APLP2: variants seen among roughly 807,000 people sequenced by gnomAD.
APLP2 encodes CDEI box-binding protein.
A neutral mutation model predicts 89.9 loss-of-function variants in APLP2; 53 were observed. That is an observed-to-expected ratio of 0.59 (90% confidence interval 0.47 to 0.74). The LOEUF is 0.74. APLP2 is among the 30% of genes least tolerant of loss of function. The pLI is 0.00. For missense variants in APLP2, 973 were observed against 975.9 expected, an observed-to-expected ratio of 1.00 and a Z score of 0.04; for synonymous variants, 372 against 348.6, an observed-to-expected ratio of 1.07 and a Z score of -0.75.
At chr11:130,086,342 T>A (rs1944119211) in intron 1 of APLP2, among the ~76,000 whole-genome samples, 1 of 152,276 alleles carries the variant, frequency 6.6e-6, no homozygotes, top group South Asian at 2.1e-4. Context: ...AAAATGTCCG[T>A]TGAAGTCTTT....
rs1182654877 is a variant in APLP2, at chr11:130,133,621, G to A, written c.1585-8G>A. 1 of 1,610,440 alleles carries A rather than the reference G, an allele frequency of 6.2e-7. No homozygotes were observed. Among genetic ancestry groups the A allele is most frequent in the East Asian group, 2.2e-5 (1 of 44,854 alleles). On this transcript the variant is annotated splice_region_variant and splice_polypyrimidine_tract_variant and intron_variant, in intron 11 of 16. Coordinates refer to ENST00000338167, the MANE Select transcript of APLP2 (RefSeq NM_001142276.2). The stretch of plus-strand genomic sequence containing the variant: ...CACAACACCTCTCCACCATAACTCT[G>A]CTTCCAGGTGATGACACATCTCCAC...
At chr11:130,129,923 ATTCT>A in intron 10 of APLP2, 111 bp from the exon 11 acceptor site, 1 of 1,234,846 alleles carries the variant, frequency 8.1e-7, no homozygotes, top group Non-Finnish European at 1.1e-6. Flanking sequence ...TACAGCTTTC[ATTCT>A]TGTGCCTAGC....
chr11:130,141,549 G>T lies in APLP2; in HGVS notation c.1975G>T (p.Val659Phe), dbSNP rs757770441. 1 of 1,614,040 alleles carries T rather than the reference G, an allele frequency of 6.2e-7. No individual in the cohort carries two copies. Among genetic ancestry groups the T allele is most frequent in the South Asian group, 1.1e-5 (1 of 91,084 alleles). ...GGAAATGATTTTCAATGCCGAGAGAGTTGGAGGCCTCGAGGAAGAGCGGGT... is the reference window on the plus strand; with the variant it reads ...GGAAATGATTTTCAATGCCGAGAGATTTGGAGGCCTCGAGGAAGAGCGGGT... The part of the protein sequence containing the change: ...VKEMIFNAER[V>F]GGLEEERESV... The change falls in exon 15 of 17, where the codon GTT becomes TTT. Residue 659 changes from valine (V) to phenylalanine (F), a missense_variant. Transcript: ENST00000338167. The surrounding 1 kb of genome is among the most constrained non-coding windows in gnomAD (Gnocchi z 4.2).
At chr11:130,134,889 G>A (rs182150170) in intron 12 of APLP2, among the ~76,000 whole-genome samples, 212 of 152,338 alleles carry the variant, frequency 1.4e-3, no homozygotes, top group African/African-American at 4.7e-3. Flanking sequence ...GACTGAGGTG[G>A]AGAAGGAAAT....
chr11:130,116,842 T>A (rs1305495936), intron 3 of APLP2, among the ~76,000 whole-genome samples: 3 of 152,080 alleles, frequency 2.0e-5, no homozygotes, highest in African/African-American at 7.2e-5. Context: ...TATATATATA[T>A]TTTTAGGCCA....
chr11:130,095,120 C>G (rs992069886), intron 1 of APLP2, among the ~76,000 whole-genome samples: 5 of 151,830 alleles, frequency 3.3e-5, no homozygotes, highest in Non-Finnish European at 7.4e-5. Flanking sequence ...TGAGATAGAC[C>G]AGATGCGTGG....
At position 130,123,760 on chromosome 11, in the gene APLP2, G is replaced by A; in HGVS notation, c.1071G>A (p.Met357Ile). 2 of 1,614,244 alleles carry A rather than the reference G, an allele frequency of 1.2e-6. No individual in the cohort carries two copies. Among genetic ancestry groups the A allele is most frequent in the Non-Finnish European group, 1.7e-6 (2 of 1,180,032 alleles). The change falls in exon 7 of 17, where the codon ATG becomes ATA. Residue 357 changes from methionine (M) to isoleucine (I), a missense_variant. Physicochemically the swap from Met to Ile is conservative, Grantham distance 10. Transcript: ENST00000338167. This position sits in a 1 kb window ranked among gnomAD's most constrained non-coding sequence, Gnocchi z 4.0. ...RNNFESEDYCMAVCKAMIPPT... is the reference protein window; with the variant it reads ...RNNFESEDYCIAVCKAMIPPT... ...ATTTTGAGTCTGAGGATTATTGTAT[G>A]GCTGTGTGTAAAGCGATGAGTAAGT...
At chr11:130,113,257 C>G (rs182180082) in intron 3 of APLP2, among the ~76,000 whole-genome samples, 1 of 152,160 alleles carries the variant, frequency 6.6e-6, no homozygotes, top group Non-Finnish European at 1.5e-5. Flanking sequence ...TGGTACACAA[C>G]AGAAATTTTA....
chr11:130,094,203 G>A (rs1014336727), intron 1 of APLP2, among the ~76,000 whole-genome samples: 12 of 151,958 alleles, frequency 7.9e-5, no homozygotes, highest in South Asian at 2.1e-4. Context: ...ACAGGCATGC[G>A]CCACCATGCC....
At chr11:130,085,967 A>G (rs946889010) in intron 1 of APLP2, among the ~76,000 whole-genome samples, 2 of 152,210 alleles carry the variant, frequency 1.3e-5, no homozygotes, top group Non-Finnish European at 2.9e-5. Context: ...GGATGTTTCT[A>G]CCTTTGGCTA....
intron 3 of APLP2, among the ~76,000 whole-genome samples, chr11:130,116,518 C>T (rs1490446562): frequency 3.9e-5 from 6 of 152,118 alleles, no homozygotes; most frequent in East Asian, 3.9e-4. Context: ...AAGACAGGGT[C>T]GCCGTCACCC....
Position 130,121,609 on chromosome 11 carries a change from T to A in APLP2, c.517-5T>A, listed in dbSNP as rs1452406746. On this transcript the variant is annotated splice_polypyrimidine_tract_variant and splice_region_variant and intron_variant, in intron 4 of 16. Transcript: ENST00000338167. The stretch of plus-strand genomic sequence containing the variant: ...GTTCTGATGTGGCCTGTGGGTTTCT[T>A]TTAGGCATGTCTGACTCAGGGAATG... 8 of 1,611,430 alleles carry A rather than the reference T, an allele frequency of 5.0e-6. No homozygotes were observed. Among genetic ancestry groups the A allele is most frequent in the Non-Finnish European group, 5.9e-6 (7 of 1,178,310 alleles).
In APLP2 at chr11:130,143,506, G is replaced by A. The variant is rs567095605; in HGVS notation, c.*58G>A. The stretch of plus-strand genomic sequence containing the variant: ...ATGCAGGTGGGCCGGAAGATCCCAC[G>A]ATTCCGATCGACTGCCAAGCAGCAG... On this transcript the variant is annotated 3_prime_UTR_variant, in exon 17 of 17. Coordinates refer to ENST00000338167, the MANE Select transcript of APLP2 (RefSeq NM_001142276.2). The A allele has an allele frequency of 2.2e-5, 32 of 1,433,232 alleles. No homozygotes were observed. Among genetic ancestry groups the A allele is most frequent in the African/African-American group, 8.4e-5 (6 of 71,376 alleles). The allele number at this position is 1,433,232 out of a possible 1,614,324, so 88.8% of individuals were successfully genotyped here.
At chr11:130,083,191 C>A (rs1182204053) in intron 1 of APLP2, among the ~76,000 whole-genome samples, 4 of 151,870 alleles carry the variant, frequency 2.6e-5, no homozygotes, top group African/African-American at 9.7e-5. Flanking sequence ...GTTGAGCCAT[C>A]ATGCCTGGGT....
chr11:130,122,552 G>A, intron 6 of APLP2, 39 bp downstream of exon 6: 1 of 1,612,454 alleles, frequency 6.2e-7, no homozygotes, highest in Non-Finnish European at 8.5e-7. Flanking sequence ...AATCCATGTG[G>A]TAATTATTCA....
At chr11:130,127,633 C>T (rs1950526785) in intron 8 of APLP2, 133 bp from the exon 9 acceptor site, 3 of 736,074 alleles carry the variant, frequency 4.1e-6, no homozygotes, top group African/African-American at 1.7e-5. Flanking sequence ...ATGCTAAGCT[C>T]CTAAGAGATT....
At chr11:130,073,576 C>G (rs2135313230) in intron 1 of APLP2, among the ~76,000 whole-genome samples, 1 of 152,352 alleles carries the variant, frequency 6.6e-6, no homozygotes, top group African/African-American at 2.4e-5. Flanking sequence ...GGCGCGGTGG[C>G]TCACGCCTGT....
chr11:130,120,264 T>C (rs759261259), intron 3 of APLP2, among the ~76,000 whole-genome samples: 2 of 152,234 alleles, frequency 1.3e-5, no homozygotes, highest in Non-Finnish European at 2.9e-5. Context: ...ATTCAATTAT[T>C]ACATCATGTT....
intron 1 of APLP2, among the ~76,000 whole-genome samples, chr11:130,078,477 GTCTTT>G (rs1159231774): frequency 2.6e-5 from 4 of 152,074 alleles, no homozygotes; most frequent in East Asian, 1.9e-4. Context: ...TTTTAGTCTT[GTCTTT>G]TCTTTTTCTT....
Sources: gnomAD v4.1 joint callset for allele counts (sites outside exome capture counted in the v4.1 genomes callset) on GRCh38, gnomAD v4.1.1 for gene constraint, Gnocchi (gnomAD v3.1) non-coding constraint, MANE v1.5 for transcripts, NCBI Gene and HGNC (gene_info 2026-07-23, HGNC 2026-07-21) for gene names.